The following MET variants were observed in gnomAD, a reference collection of about 807,000 sequenced individuals.
The protein encoded by MET is hepatocyte growth factor receptor.
MET carries 48 observed loss-of-function variants against 133.1 expected under a neutral mutation model. The ratio of observed to expected loss-of-function variants is 0.36; its 90% CI spans 0.29 to 0.46. The LOEUF (loss-of-function observed/expected upper bound fraction) is 0.46, where lower values mean the gene tolerates loss of function less well. Among genes scored for constraint, MET ranks in the 20% least tolerant of loss-of-function variants. The probability of loss-of-function intolerance (pLI) is 1.00; values close to 1 mark genes in which losing one functional copy is unlikely to be tolerated. For synonymous variants in MET, 628 were observed against 616.5 expected (o/e 1.02, Z -0.28); for missense variants, 1,442 against 1,695.9 (o/e 0.85, Z 2.63).
At position 116,771,936 on chromosome 7, in the gene MET, C is replaced by T. The variant is rs56391007; in HGVS notation, c.2975C>T (p.Thr992Ile). ...RLVSARSVSP[T>I]TEMVSNESVD... ...GTAAGTGCCCGAAGTGTAAGCCCAA[C>T]TACAGAAATGGTTTCAAATGAATCT... Residue 992 changes from threonine (T) to isoleucine (I), a missense_variant, in exon 14 of 21, where the codon ACT becomes ATT. This residue lies in a region of MET where 514 missense variants were observed against 659.6 expected (regional missense o/e 0.78). Coordinates refer to ENST00000397752, the MANE Select transcript of MET (RefSeq NM_000245.4). 17,366 of 1,613,864 alleles carry T rather than the reference C, an allele frequency of 0.011. 125 individuals carry two copies. The highest frequency in any genetic ancestry group is 0.013 in the Non-Finnish European group (14,825 of 1,179,834).
At chr7:116,792,681 T>C (rs1795546468) in intron 19 of MET, among the ~76,000 whole-genome samples, 1 of 152,146 alleles carries the variant, frequency 6.6e-6, no homozygotes, top group African/African-American at 2.4e-5. Context: ...CCTCCAGCTA[T>C]TTTCTGATAC....
In MET at chr7:116,706,039, C is replaced by T. The variant is rs140723017; in HGVS notation, c.1200+5755C>T. Among the ~76,000 whole-genome samples the T allele has an allele frequency of 3.0e-4, 45 of 152,178 alleles. No homozygotes were observed. The East Asian group carries it at 7.3e-3, about 25-fold the overall frequency. ...CATTACATGGCTCATTCACAAGTCT[C>T]TCTACCCCAGGAAAGATGAAAAAGC... is the stretch of plus-strand genomic sequence containing the variant. On this transcript the variant is annotated intron_variant, in intron 2 of 20. Transcript: ENST00000397752.
Position 116,731,858 on chromosome 7 carries a change from A to C in MET, c.1391A>C (p.Gln464Pro). The C allele has an allele frequency of 6.2e-7, 1 of 1,613,980 alleles. No individual in the cohort carries two copies. Among genetic ancestry groups the C allele is most frequent in the Non-Finnish European group, 8.5e-7 (1 of 1,179,866 alleles). ...GGGACATCAGAGGGTCGCTTCATGC[A>C]GGTAAGTGCTTTCTGAGAGTAGCTG... ...NLGTSEGRFMQVVVSRSGPST... is the reference protein window; with the variant it reads ...NLGTSEGRFMPVVVSRSGPST... Residue 464 changes from glutamine (Q) to proline (P), a missense_variant and splice_region_variant, in exon 3 of 21, where the codon CAG becomes CCG. This residue lies in a region of MET where 762 missense variants were observed against 792.4 expected (regional missense o/e 0.96). Coordinates refer to ENST00000397752, the MANE Select transcript of MET (RefSeq NM_000245.4).
rs752484484 is a variant in MET at position 116,755,534 on chromosome 7, T to C, written c.1862+19T>C. On this transcript the variant is annotated intron_variant, in intron 6 of 20. Coordinates refer to ENST00000397752, the MANE Select transcript of MET (RefSeq NM_000245.4). ...TGAATACGTAAGGATCTTAAAATGCTTTGCTGGGGTGTGCTTGGAAAATAG... is the reference window on the plus strand; with the variant it reads ...TGAATACGTAAGGATCTTAAAATGCCTTGCTGGGGTGTGCTTGGAAAATAG... 5.6e-6 allele frequency: 9 copies of C among 1,613,970 alleles called. No individual in the cohort carries two copies. Among genetic ancestry groups the C allele is most frequent in the Middle Eastern group, 1.7e-4 (1 of 6,050 alleles).
chr7:116,783,715 G>A (rs931751070), intron 19 of MET, among the ~76,000 whole-genome samples: 2 of 152,200 alleles, frequency 1.3e-5, no homozygotes, highest in Admixed American at 6.5e-5. Context: ...GCTGAACCAG[G>A]CATGAACCCT....
intron 1 of MET, among the ~76,000 whole-genome samples, chr7:116,679,568 AG>A (rs1452904952): frequency 2.0e-5 from 3 of 152,210 alleles, no homozygotes; most frequent in Admixed American, 2.0e-4. Context: ...GCACAGAAAA[AG>A]GGCAGGTCGC....
At position 116,676,809 on chromosome 7, in the gene MET, A is replaced by T. The variant is rs7810164; in HGVS notation, c.-15+4232A>T. ...AATTGTGCAGTTCACAGCTTGCACA[A>T]CTGTCCATAGACTCCCTGATTTTGG... On this transcript the variant is annotated intron_variant, in intron 1 of 20. Coordinates refer to ENST00000397752, the MANE Select transcript of MET (RefSeq NM_000245.4). 5.7e-3 allele frequency among the ~76,000 whole-genome samples: 874 copies of T among 152,164 alleles called. 11 individuals are homozygous for T. Among genetic ancestry groups the T allele is most frequent in the African/African-American group, 0.019 (801 of 41,514 alleles).
At position 116,696,375 on chromosome 7, in the gene MET, A is replaced by G. The variant is rs943157486; in HGVS notation, c.-14-2696A>G. ...CCAATAATCATATGTCTTTCCCACA[A>G]TTTAAACTCCTTTTCACCCTGTTAC... is the stretch of plus-strand genomic sequence containing the variant. On this transcript the variant is annotated intron_variant, in intron 1 of 20. Transcript: ENST00000397752. 2.0e-5 allele frequency among the ~76,000 whole-genome samples: 3 copies of G among 152,120 alleles called. No homozygotes were observed. In the South Asian group the frequency reaches 6.2e-4, roughly 32 times the overall value.
chr7:116,719,865 C>A (rs1328562316), intron 2 of MET, among the ~76,000 whole-genome samples: 3 of 151,940 alleles, frequency 2.0e-5, no homozygotes, highest in Non-Finnish European at 4.4e-5. Context: ...GTTTTGGTAC[C>A]AGTACCATGC....
chr7:116,728,957 A>G (rs960734673), intron 2 of MET, among the ~76,000 whole-genome samples: 3 of 152,190 alleles, frequency 2.0e-5, no homozygotes, highest in Admixed American at 2.0e-4. Context: ...AAACAAGACA[A>G]CCACAAAAAC....
intron 15 of MET, among the ~76,000 whole-genome samples, chr7:116,777,045 A>G (rs1795014250): frequency 6.6e-6 from 1 of 152,216 alleles, no homozygotes; most frequent in African/African-American, 2.4e-5. Context: ...ATCCTTTAAA[A>G]AAATTTATTT....
Position 116,750,092 on chromosome 7 carries a change from A to C in MET, c.1702-5263A>C, listed in dbSNP as rs558907657. ...ATTAGAAAAAGCTACTTTAAATTTC[A>C]TATGGAACCAAAAAAGAGCCCGCAT... On this transcript the variant is annotated intron_variant, in intron 5 of 20. Transcript: ENST00000397752. Among the ~76,000 whole-genome samples, 5 of 151,878 alleles carry C rather than the reference A, an allele frequency of 3.3e-5. 1 individual carries two copies. In the South Asian group the frequency reaches 8.3e-4, roughly 25 times the overall value.
intron 2 of MET, among the ~76,000 whole-genome samples, chr7:116,720,364 A>C (rs1792432154): frequency 1.4e-5 from 2 of 141,566 alleles, no homozygotes; most frequent in African/African-American, 2.7e-5. Context: ...GAAGTTGCTT[A>C]TCAGCTTAAG....
chr7:116,757,575 A>G (rs1794231327), intron 7 of MET, 36 bp downstream of exon 7: 1 of 1,612,510 alleles, frequency 6.2e-7, no homozygotes, highest in African/African-American at 1.3e-5. Flanking sequence ...TTTGATTTTT[A>G]CTTAATCTAT....
In MET at chr7:116,772,926, G is replaced by A. The variant is rs1011325367; in HGVS notation, c.3028+937G>A. Among the ~76,000 whole-genome samples the A allele has an allele frequency of 1.6e-4, 25 of 152,146 alleles. No homozygotes were observed. In the East Asian group the frequency reaches 1.7e-3, roughly 11 times the overall value. Reference sequence around the variant, plus strand: ...CCTTTAAAAATCCATTCGTTTAACCGTGTGGAAAAATCAAACCTAGTTTAT... The same window carrying A: ...CCTTTAAAAATCCATTCGTTTAACCATGTGGAAAAATCAAACCTAGTTTAT... On this transcript the variant is annotated intron_variant, in intron 14 of 20. Coordinates refer to ENST00000397752, the MANE Select transcript of MET (RefSeq NM_000245.4).
chr7:116,724,817 G>A (rs1388680871), intron 2 of MET: 1 of 1,289,202 alleles, frequency 7.8e-7, no homozygotes, highest in East Asian at 5.5e-5. Context: ...GAGCCAGAGA[G>A]CCTAGGCTTA....
chr7:116,787,872 A>G (rs1795366591), intron 19 of MET, among the ~76,000 whole-genome samples: 1 of 152,234 alleles, frequency 6.6e-6, no homozygotes, highest in African/African-American at 2.4e-5. Flanking sequence ...AGATTTGTAC[A>G]TGAATGATCA....
intron 5 of MET, among the ~76,000 whole-genome samples, chr7:116,749,852 A>T (rs1793845497): frequency 6.6e-6 from 1 of 152,220 alleles, no homozygotes; most frequent in African/African-American, 2.4e-5. Flanking sequence ...GTGAAGTCTC[A>T]TTCACAATTG....
At chr7:116,775,322 C>A (rs184340036) in intron 15 of MET, among the ~76,000 whole-genome samples, 68 of 152,240 alleles carry the variant, frequency 4.5e-4, no homozygotes, top group Non-Finnish European at 1.6e-4. Context: ...TGGATAATCC[C>A]CCAAATATAT....
Sources: allele counts gnomAD v4.1 joint callset (sites outside exome capture counted in the v4.1 genomes callset), GRCh38; gene constraint gnomAD v4.1.1; regional missense constraint gnomAD v4.1.1; transcripts MANE v1.5; gene names NCBI Gene and HGNC (gene_info 2026-07-23, HGNC 2026-07-21).